PUM2: variants seen among roughly 807,000 people sequenced by gnomAD.
PUM2 encodes pumilio homolog 2.
PUM2 carries 57 observed loss-of-function variants against 124.5 expected under a neutral mutation model. That is an observed-to-expected ratio of 0.46 (90% CI 0.37 to 0.57). The LOEUF (loss-of-function observed/expected upper bound fraction) is 0.57, where lower values mean the gene tolerates loss of function less well. Among genes scored for constraint, PUM2 ranks in the 20% least tolerant of loss-of-function variants. The pLI is 0.00. For synonymous variants in PUM2, 460 were observed against 446.1 expected (o/e 1.03, Z -0.39); for missense variants, 1,065 against 1,290.6 (o/e 0.83, Z 2.68).
chr2:20,286,720 A>G (rs1039424803), intron 10 of PUM2, among the ~76,000 whole-genome samples: 3 of 151,490 alleles, frequency 2.0e-5, no homozygotes, highest in Non-Finnish European at 4.4e-5. Context: ...TTTTTTTTAG[A>G]GTTTCTGGAT....
rs529983392 is a variant in PUM2 at position 20,274,327 on chromosome 2, G to C, written c.1957+4256C>G. 2.6e-5 allele frequency among the ~76,000 whole-genome samples: 4 copies of C among 152,190 alleles called. No individual in the cohort carries two copies. In the East Asian group the frequency reaches 7.7e-4, roughly 29 times the overall value. ...CATATTGTTTTCTGCTTTCATTAAT[G>C]ACTGTATGTGAAACTCAGAAAAATG... is the stretch of plus-strand genomic sequence containing the variant. On this transcript the variant is annotated intron_variant, in intron 13 of 20. Transcript: ENST00000361078.
At chr2:20,297,502 C>G in intron 8 of PUM2, 51 bp downstream of exon 8, 1 of 1,437,780 alleles carries the variant, frequency 7.0e-7, no homozygotes, top group Non-Finnish European at 9.3e-7. Context: ...ACACCCAAAA[C>G]TAAATACATT....
chr2:20,276,038 T>C (rs974562443), intron 13 of PUM2, among the ~76,000 whole-genome samples: 4 of 152,030 alleles, frequency 2.6e-5, no homozygotes, highest in Non-Finnish European at 5.9e-5. Context: ...GATATTATAC[T>C]ATAAAAAATG....
At chr2:20,297,082 G>A (rs1304053706) in intron 8 of PUM2, among the ~76,000 whole-genome samples, 1 of 152,016 alleles carries the variant, frequency 6.6e-6, no homozygotes, top group Non-Finnish European at 1.5e-5. Context: ...CAAACTTTTT[G>A]TCCCCCACCT....
intron 1 of PUM2, among the ~76,000 whole-genome samples, chr2:20,336,784 GT>G (rs1686198578): frequency 3.5e-5 from 5 of 142,648 alleles, no homozygotes; most frequent in African/African-American, 1.3e-4. Flanking sequence ...GTGTGTGTGT[GT>G]GTGTGTGTGT....
chr2:20,298,820 G>A (rs966166513), intron 7 of PUM2, among the ~76,000 whole-genome samples: 1 of 152,178 alleles, frequency 6.6e-6, no homozygotes, highest in East Asian at 1.9e-4. Context: ...GCCTGGGCAA[G>A]AGGGCGAGAC....
chr2:20,314,194 T>C (rs1350591830), intron 3 of PUM2, among the ~76,000 whole-genome samples: 1 of 152,090 alleles, frequency 6.6e-6, no homozygotes, highest in Admixed American at 6.6e-5. Flanking sequence ...AAACTTTCGA[T>C]TTGGCAGAAA....
At chr2:20,351,777 CCGTATAGTTTG>C (rs1689364795), upstream of PUM2, among the ~76,000 whole-genome samples, 1 of 152,182 alleles carries the variant, frequency 6.6e-6, no homozygotes, top group African/African-American at 2.4e-5. Context: ...TCAGGGCCTC[CCGTATAGTTTG>C]CTTAATATAT....
intron 10 of PUM2, among the ~76,000 whole-genome samples, chr2:20,284,446 C>T (rs1672255639): frequency 6.6e-6 from 1 of 152,162 alleles, no homozygotes; most frequent in Non-Finnish European, 1.5e-5. Context: ...GCCTCAAACT[C>T]CTGGGCTTAC....
At chr2:20,337,541 G>GA (rs1686379379) in intron 1 of PUM2, among the ~76,000 whole-genome samples, 1 of 152,110 alleles carries the variant, frequency 6.6e-6, no homozygotes, top group East Asian at 1.9e-4. Flanking sequence ...TAGGTGGTTA[G>GA]AAAAAAATAA....
intron 13 of PUM2, among the ~76,000 whole-genome samples, chr2:20,265,387 T>C (rs549781470): frequency 1.1e-4 from 16 of 152,362 alleles, no homozygotes; most frequent in Admixed American, 4.6e-4. Flanking sequence ...AAGAGTTCAG[T>C]GTTTCAATAC....
At chr2:20,332,139 T>C (rs1179994666) in intron 1 of PUM2, among the ~76,000 whole-genome samples, 4 of 152,188 alleles carry the variant, frequency 2.6e-5, no homozygotes, top group Non-Finnish European at 2.9e-5. Flanking sequence ...CTGCAGGCCA[T>C]AGTTTGCAGA....
intron 1 of PUM2, among the ~76,000 whole-genome samples, chr2:20,342,991 ACT>A (rs1350675297): frequency 1.3e-5 from 2 of 152,122 alleles, no homozygotes; most frequent in Non-Finnish European, 2.9e-5. Context: ...ACAGGGTCTT[ACT>A]CTGTCACCCA....
intron 14 of PUM2, among the ~76,000 whole-genome samples, chr2:20,261,369 A>C: frequency 7.1e-6 from 1 of 140,494 alleles, no homozygotes; most frequent in African/African-American, 2.7e-5. Flanking sequence ...ACTCCAGCCT[A>C]AGCGACAGAG....
At chr2:20,296,369 C>T (rs893724535) in intron 8 of PUM2, among the ~76,000 whole-genome samples, 10 of 152,076 alleles carry the variant, frequency 6.6e-5, no homozygotes, top group African/African-American at 2.2e-4. Context: ...GTGGTGGGCG[C>T]CTGTAGTCCC....
chr2:20,296,302 T>C (rs1005652740), intron 8 of PUM2, among the ~76,000 whole-genome samples: 2 of 152,184 alleles, frequency 1.3e-5, no homozygotes, highest in Admixed American at 1.3e-4. Context: ...GAGACCATCC[T>C]GGCTAACACA....
At chr2:20,320,024 T>C (rs928413369) in intron 2 of PUM2, among the ~76,000 whole-genome samples, 8 of 152,088 alleles carry the variant, frequency 5.3e-5, no homozygotes, top group Non-Finnish European at 1.0e-4. Flanking sequence ...TCCCAGCACT[T>C]TGGGAGGCCT....
intron 9 of PUM2, among the ~76,000 whole-genome samples, chr2:20,291,495 C>A (rs1443650336): frequency 1.3e-5 from 2 of 152,204 alleles, no homozygotes; most frequent in African/African-American, 4.8e-5. Flanking sequence ...GTGTTTAATT[C>A]TTGAGAAGAG....
intron 1 of PUM2, chr2:20,350,355 G>A (rs1252907095): frequency 1.8e-5 from 11 of 620,654 alleles, no homozygotes; most frequent in Non-Finnish European, 2.2e-5. Flanking sequence ...CCCCGCAGAG[G>A]GAAGGAAGCG....
Sources: allele counts gnomAD v4.1 joint callset (sites outside exome capture counted in the v4.1 genomes callset), GRCh38; gene constraint gnomAD v4.1.1; transcripts MANE v1.5; gene names NCBI Gene and HGNC (gene_info 2026-07-23, HGNC 2026-07-21).